The following ARID2 variants were observed in gnomAD, a reference collection of about 807,000 sequenced individuals.
The protein encoded by ARID2 is AT-rich interaction domain 2, also known as AT-rich interactive domain-containing protein 2.
In ARID2, 32 loss-of-function variants were observed where a neutral mutation model predicts 184.6. The ratio of observed to expected loss-of-function variants is 0.17; its 90% CI spans 0.13 to 0.23. ARID2 has a LOEUF of 0.23. Among genes scored for constraint, ARID2 ranks in the 10% least tolerant of loss-of-function variants. ARID2 has a pLI of 1.00. For synonymous variants in ARID2, 836 were observed against 772.6 expected, an observed-to-expected ratio of 1.08 and a Z score of -1.36; for missense variants, 1,696 against 2,197.6, an observed-to-expected ratio of 0.77 and a Z score of 4.56.
intron 6 of ARID2, among the ~76,000 whole-genome samples, chr12:45,825,982 A>G (rs143729437): frequency 6.6e-6 from 1 of 152,108 alleles, no homozygotes. Flanking sequence ...TTGGTTTCTA[A>G]CGTATATTCC....
intron 3 of ARID2, among the ~76,000 whole-genome samples, chr12:45,753,711 AG>A (rs1565583419): frequency 1.3e-5 from 2 of 152,230 alleles, no homozygotes; most frequent in East Asian, 3.9e-4. Context: ...CTCCCACCTC[AG>A]CCTCCCGAAT....
intron 3 of ARID2, among the ~76,000 whole-genome samples, chr12:45,760,945 C>T (rs771068694): frequency 3.3e-5 from 5 of 151,926 alleles, no homozygotes; most frequent in African/African-American, 1.2e-4. Context: ...CACTGGAGCC[C>T]GAATCTCCTG....
rs761339982 is a variant in ARID2, at chr12:45,730,039, C to G, written c.93-5C>G. On this transcript the variant is annotated splice_polypyrimidine_tract_variant and splice_region_variant and intron_variant, in intron 1 of 20. Transcript: ENST00000334344. ...GACAAGTGCGGGGCTTTTTCTCTCC[C>G]GCAGGTCGCCTTTTAAAAAAATCCC... 5 of 1,612,882 alleles carry G rather than the reference C, an allele frequency of 3.1e-6. No homozygotes were observed. Among genetic ancestry groups the G allele is most frequent in the Admixed American group, 1.7e-5 (1 of 59,958 alleles).
intron 3 of ARID2, among the ~76,000 whole-genome samples, chr12:45,779,753 A>G (rs1322455106): frequency 1.3e-5 from 2 of 152,080 alleles, no homozygotes; most frequent in East Asian, 1.9e-4. Flanking sequence ...AATTTATTCA[A>G]TAATATTATT....
chr12:45,857,185 A>G (rs2138187982), intron 15 of ARID2, among the ~76,000 whole-genome samples: 1 of 152,324 alleles, frequency 6.6e-6, no homozygotes, highest in South Asian at 2.1e-4. Context: ...ATACATATTT[A>G]AGATATTTAA....
chr12:45,773,119 A>G (rs1244711832), intron 3 of ARID2, among the ~76,000 whole-genome samples: 2 of 152,188 alleles, frequency 1.3e-5, no homozygotes, highest in African/African-American at 4.8e-5. Context: ...AAACTTAAAA[A>G]TATGTAGAAA....
intron 2 of ARID2, 100 bp downstream of exon 2, chr12:45,730,237 C>A: frequency 8.4e-7 from 1 of 1,190,216 alleles, no homozygotes; most frequent in Non-Finnish European, 1.2e-6. Flanking sequence ...GGGTGGCCCG[C>A]GGGGGCAAAA....
chr12:45,873,927 T>C (rs1864225260), intron 16 of ARID2: 1 of 152,196 alleles, frequency 6.6e-6, no homozygotes, highest in Non-Finnish European at 1.5e-5. Flanking sequence ...AATAAGGTAA[T>C]GAAGTTTGCC....
intron 3 of ARID2, among the ~76,000 whole-genome samples, chr12:45,790,437 T>C (rs1223312339): frequency 1.3e-5 from 2 of 152,182 alleles, no homozygotes; most frequent in Non-Finnish European, 2.9e-5. Context: ...ACCTTTATAA[T>C]ATTAAGCCTT....
chr12:45,755,735 A>G (rs1207439798), intron 3 of ARID2, among the ~76,000 whole-genome samples: 4 of 151,986 alleles, frequency 2.6e-5, no homozygotes, highest in Non-Finnish European at 4.4e-5. Flanking sequence ...CTTTTTTTTT[A>G]AACAAGCTCT....
At chr12:45,766,448 A>G (rs1179826894) in intron 3 of ARID2, among the ~76,000 whole-genome samples, 2 of 151,904 alleles carry the variant, frequency 1.3e-5, no homozygotes, top group Non-Finnish European at 2.9e-5. Flanking sequence ...GATTACAGGC[A>G]TGAGCCACCC....
chr12:45,878,689 C>G (rs1944050696), intron 16 of ARID2, among the ~76,000 whole-genome samples: 2 of 152,020 alleles, frequency 1.3e-5, no homozygotes, highest in Admixed American at 1.3e-4. Flanking sequence ...AATTCTCAGT[C>G]TGAAAATGTC....
At chr12:45,902,057 G>A (rs914144703) in intron 20 of ARID2, among the ~76,000 whole-genome samples, 2 of 152,136 alleles carry the variant, frequency 1.3e-5, no homozygotes, top group African/African-American at 2.4e-5. Flanking sequence ...TTTCTTAGAA[G>A]CTGATTTGTA....
rs531842935 is a variant in ARID2 at position 45,760,888 on chromosome 12, G to T, written c.284+29574G>T. Among the ~76,000 whole-genome samples, 6 of 151,640 alleles carry T rather than the reference G, an allele frequency of 4.0e-5. No individual in the cohort carries two copies. In the East Asian group the frequency reaches 7.7e-4, roughly 20 times the overall value. On this transcript the variant is annotated intron_variant, in intron 3 of 20. Coordinates refer to ENST00000334344, the MANE Select transcript of ARID2 (RefSeq NM_152641.4). Reference sequence around the variant, plus strand: ...TTTTTATTTAGTTTTTAGCGATAGGGTCTGGCTCTGTTGCCTGGGCTGGAG... The same window carrying T: ...TTTTTATTTAGTTTTTAGCGATAGGTTCTGGCTCTGTTGCCTGGGCTGGAG...
At position 45,851,155 on chromosome 12, in the gene ARID2, G is replaced by GGCAGCAACA; in HGVS notation, c.3042_3050dup (p.Gln1014_Gln1016dup). ...GTCAGTCAAATGTTATCTGTGAAAA[G>GGCAGCAACA]GCAGCAACAGCAGCAACATTCACCA... On this transcript the variant is annotated inframe_insertion, in exon 15 of 21. Coordinates refer to ENST00000334344, the MANE Select transcript of ARID2 (RefSeq NM_152641.4). The GGCAGCAACA allele has an allele frequency of 6.2e-7, 1 of 1,613,988 alleles. No homozygotes were observed. Among genetic ancestry groups the GGCAGCAACA allele is most frequent in the Non-Finnish European group, 8.5e-7 (1 of 1,180,016 alleles).
At chr12:45,901,878 A>G (rs1279309998) in intron 20 of ARID2, among the ~76,000 whole-genome samples, 2 of 151,936 alleles carry the variant, frequency 1.3e-5, no homozygotes, top group Non-Finnish European at 2.9e-5. Context: ...GTGTCTCACT[A>G]TATTGCCCAA....
At chr12:45,784,250 G>A (rs1942151594) in intron 3 of ARID2, among the ~76,000 whole-genome samples, 2 of 151,828 alleles carry the variant, frequency 1.3e-5, no homozygotes, top group Non-Finnish European at 2.9e-5. Flanking sequence ...TGAACACCTG[G>A]CCCCAAGTGA....
At chr12:45,901,047 G>A (rs1944450025) in intron 20 of ARID2, among the ~76,000 whole-genome samples, 1 of 149,286 alleles carries the variant, frequency 6.7e-6, no homozygotes, top group Admixed American at 6.7e-5. Flanking sequence ...TCAATCTGGA[G>A]ATTTATATCC....
At chr12:45,832,654 C>T (rs1171678944) in intron 6 of ARID2, among the ~76,000 whole-genome samples, 4 of 152,062 alleles carry the variant, frequency 2.6e-5, no homozygotes, top group African/African-American at 9.6e-5. Context: ...CTCTTCTTTT[C>T]CTGGTACTAC....
Sources: allele counts gnomAD v4.1 joint callset (sites outside exome capture counted in the v4.1 genomes callset), GRCh38; gene constraint gnomAD v4.1.1; transcripts MANE v1.5; gene names NCBI Gene and HGNC (gene_info 2026-07-23, HGNC 2026-07-21).